Variants in KCNT2 observed in about 807,000 individuals in gnomAD.
KCNT2 encodes potassium channel subfamily T member 2.
KCNT2 carries 67 observed loss-of-function variants against 153.8 expected under a neutral mutation model. The ratio of observed to expected loss-of-function variants is 0.44; its 90% CI spans 0.36 to 0.53. The LOEUF is 0.53. Among genes scored for constraint, KCNT2 ranks in the 20% least tolerant of loss-of-function variants. The probability of loss-of-function intolerance (pLI) is 0.00; values close to 1 mark genes in which losing one functional copy is unlikely to be tolerated. For synonymous variants in KCNT2, 500 were observed against 458.8 expected, an observed-to-expected ratio of 1.09 and a Z score of -1.15; for missense variants, 975 against 1,354.8, an observed-to-expected ratio of 0.72 and a Z score of 4.40.
intron 1 of KCNT2, among the ~76,000 whole-genome samples, chr1:196,579,623 G>A (rs535107414): frequency 3.2e-4 from 49 of 151,990 alleles, no homozygotes; most frequent in African/African-American, 1.0e-3. Flanking sequence ...CCTCCCCATA[G>A]CTGAGATTAC....
intron 13 of KCNT2, among the ~76,000 whole-genome samples, chr1:196,383,926 A>G (rs542758308): frequency 6.6e-6 from 1 of 152,294 alleles, no homozygotes; most frequent in South Asian, 2.1e-4. Flanking sequence ...AATTAGATAA[A>G]AAAATGCATA....
chr1:196,369,571 T>C (rs10399831), intron 14 of KCNT2, among the ~76,000 whole-genome samples: 139,876 of 151,028 alleles, frequency 0.93, 64,906 homozygotes, highest in East Asian at 1. Context: ...TGAGAATATG[T>C]GGTGTTTGGT....
At chr1:196,475,571 G>T (rs1439233786) in intron 5 of KCNT2, among the ~76,000 whole-genome samples, 2 of 151,886 alleles carry the variant, frequency 1.3e-5, no homozygotes, top group Non-Finnish European at 2.9e-5. Context: ...TCACGCCACT[G>T]CACTCCAGCC....
chr1:196,527,442 C>T (rs1654383347), intron 1 of KCNT2, among the ~76,000 whole-genome samples: 2 of 151,988 alleles, frequency 1.3e-5, no homozygotes, highest in African/African-American at 4.8e-5. Flanking sequence ...AAAGTATTCA[C>T]GTGTGAGTAA....
chr1:196,284,248 A>AAAAAAAAAAAAAAAATATATAT, intron 23 of KCNT2, among the ~76,000 whole-genome samples: 1 of 10,050 alleles, frequency 1.0e-4, no homozygotes, highest in Non-Finnish European at 5.3e-4. Flanking sequence ...AAAAAAAAAA[A>AAAAAAAAAAAAAAAATATATAT]ATATATATAT....
rs545550470 is a variant in KCNT2 at position 196,410,298 on chromosome 1, C to T, written c.1186-11627G>A. On this transcript the variant is annotated intron_variant, in intron 12 of 27. Transcript: ENST00000294725. ...GTTGTCTTTTCACTTTGATTTTGTC[C>T]TTTGCTATGCATAAGTTTATTGCTT... Among the ~76,000 whole-genome samples the T allele has an allele frequency of 2.0e-5, 3 of 150,100 alleles. No individual in the cohort carries two copies. The South Asian group carries it at 6.3e-4, about 31-fold the overall frequency.
chr1:196,410,687 C>T (rs1232737235), intron 12 of KCNT2, among the ~76,000 whole-genome samples: 7 of 146,844 alleles, frequency 4.8e-5, no homozygotes, highest in African/African-American at 1.8e-4. Context: ...GCTTACTACG[C>T]AATAAAATCT....
At chr1:196,311,666 A>C (rs1014343867) in intron 21 of KCNT2, among the ~76,000 whole-genome samples, 23 of 151,704 alleles carry the variant, frequency 1.5e-4, no homozygotes, top group African/African-American at 5.6e-4. Context: ...CTCCAGAGAG[A>C]CTTTTTTTCC....
At chr1:196,341,791 A>G (rs1364992808) in intron 15 of KCNT2, among the ~76,000 whole-genome samples, 1 of 152,042 alleles carries the variant, frequency 6.6e-6, no homozygotes, top group Non-Finnish European at 1.5e-5. Context: ...AGATCTGTGA[A>G]GAAGATTTTC....
At chr1:196,407,221 C>T (rs995760807) in intron 12 of KCNT2, among the ~76,000 whole-genome samples, 16 of 151,352 alleles carry the variant, frequency 1.1e-4, no homozygotes, top group African/African-American at 1.5e-4. Flanking sequence ...AACATAGTCA[C>T]GACCACACTA....
chr1:196,458,657 G>T (rs1208054829), intron 8 of KCNT2, among the ~76,000 whole-genome samples: 1 of 151,798 alleles, frequency 6.6e-6, no homozygotes, highest in Non-Finnish European at 1.5e-5. Flanking sequence ...ACATTTGGCA[G>T]TACAAATTTT....
intron 14 of KCNT2, among the ~76,000 whole-genome samples, chr1:196,366,433 A>G (rs1668051762): frequency 6.6e-6 from 1 of 152,134 alleles, no homozygotes; most frequent in Non-Finnish European, 1.5e-5. Flanking sequence ...TGCTGGGATT[A>G]CAGGCGTGAG....
chr1:196,596,175 C>T (rs1231612316), intron 1 of KCNT2, among the ~76,000 whole-genome samples: 5 of 150,514 alleles, frequency 3.3e-5, no homozygotes, highest in African/African-American at 5.0e-5. Flanking sequence ...ACAAGTAATG[C>T]TGCTATAAAT....
At chr1:196,350,283 C>T (rs1666549679) in intron 14 of KCNT2, among the ~76,000 whole-genome samples, 1 of 152,166 alleles carries the variant, frequency 6.6e-6, no homozygotes, top group Admixed American at 6.6e-5. Context: ...AATTGCCACA[C>T]TGACTTCCAC....
At chr1:196,373,916 T>C (rs1038047088) in intron 13 of KCNT2, among the ~76,000 whole-genome samples, 2 of 151,714 alleles carry the variant, frequency 1.3e-5, no homozygotes, top group Non-Finnish European at 2.9e-5. Context: ...CTGCTGAAAT[T>C]CAATGACATA....
intron 12 of KCNT2, among the ~76,000 whole-genome samples, chr1:196,422,736 T>C (rs16839906): frequency 0.058 from 8,741 of 151,916 alleles, 389 homozygotes; most frequent in Non-Finnish European, 0.085. Flanking sequence ...GTTGAAAAAA[T>C]TGAGGCCACT....
intron 27 of KCNT2, among the ~76,000 whole-genome samples, chr1:196,235,315 AC>A (rs1160858740): frequency 6.6e-6 from 1 of 151,360 alleles, no homozygotes; most frequent in East Asian, 1.9e-4. Context: ...TTTAAGTCTT[AC>A]ATTCTTTATA....
intron 7 of KCNT2, 51 bp downstream of exon 7, chr1:196,467,652 A>T (rs1428405652): frequency 8.2e-7 from 1 of 1,216,606 alleles, no homozygotes. Flanking sequence ...CATTGAAAAT[A>T]AGAAATGGTT....
chr1:196,496,623 T>A (rs1212487974), intron 1 of KCNT2, among the ~76,000 whole-genome samples: 1 of 152,166 alleles, frequency 6.6e-6, no homozygotes, highest in Non-Finnish European at 1.5e-5. Flanking sequence ...GAAATAAATA[T>A]GAGCTATACA....
Sources: gnomAD v4.1 joint callset for allele counts (sites outside exome capture counted in the v4.1 genomes callset) on GRCh38, gnomAD v4.1.1 for gene constraint, MANE v1.5 for transcripts, NCBI Gene and HGNC (gene_info 2026-07-23, HGNC 2026-07-21) for gene names.